The following CEBPZOS variants were observed in gnomAD, a reference collection of about 807,000 sequenced individuals.
The protein encoded by CEBPZOS is CEBPZ opposite strand, also known as protein CEBPZOS.
CEBPZOS carries 10 observed loss-of-function variants against 4.8 expected under a neutral mutation model. That is an observed-to-expected ratio of 2.07 (90% CI 1.28 to 3.52). The LOEUF (loss-of-function observed/expected upper bound fraction) is 3.52, where lower values mean the gene tolerates loss of function less well. Ranked by LOEUF, CEBPZOS falls within the 30% of genes most tolerant of loss-of-function variation. The probability of loss-of-function intolerance (pLI) is 0.00; values close to 1 mark genes in which losing one functional copy is unlikely to be tolerated. For synonymous variants in CEBPZOS, 25 were observed against 14.2 expected, an observed-to-expected ratio of 1.77 and a Z score of -1.72; for missense variants, 98 against 43.6, an observed-to-expected ratio of 2.25 and a Z score of -3.51.
chr2:37,200,309 G>A (rs1677155884), intron 2 of CEBPZOS, among the ~76,000 whole-genome samples: 1 of 152,142 alleles, frequency 6.6e-6, no homozygotes. Context: ...TTATATTAGA[G>A]CTCTCAACTT....
Position 37,203,307 on chromosome 2 carries a change from G to A in CEBPZOS, c.*1447G>A. The A allele has an allele frequency of 5.1e-6, 1 of 196,040 alleles. No individual in the cohort carries two copies. Among genetic ancestry groups the A allele is most frequent in the Admixed American group, 6.0e-5 (1 of 16,730 alleles). The allele number at this position is 196,040 out of a possible 1,614,324, so 12.1% of individuals were successfully genotyped here. A position where few individuals can be genotyped will look rare whatever the true frequency, so the allele number is the denominator to read the frequency against. On this transcript the variant is annotated 3_prime_UTR_variant, in exon 5 of 5. Transcript: ENST00000402297. ...GGAAATAACATAGTATCAAGCAATAGTAAAATTATCAGTTTGACATGGATG... is the reference window on the plus strand; with the variant it reads ...GGAAATAACATAGTATCAAGCAATAATAAAATTATCAGTTTGACATGGATG...
intron 4 of CEBPZOS, chr2:37,210,475 C>G (rs1677685145): frequency 6.6e-6 from 1 of 152,252 alleles, no homozygotes; most frequent in African/African-American, 2.4e-5. Flanking sequence ...TTCGCAGCAA[C>G]CTGAATACAG....
intron 2 of CEBPZOS, among the ~76,000 whole-genome samples, chr2:37,200,154 G>A (rs1351355988): frequency 6.6e-6 from 1 of 152,156 alleles, no homozygotes; most frequent in Non-Finnish European, 1.5e-5. Flanking sequence ...TCATTGTTTG[G>A]TAGACTAAGA....
intron 4 of CEBPZOS, chr2:37,210,770 AATG>A (rs576107878): frequency 1.1e-3 from 476 of 434,002 alleles, no homozygotes; most frequent in Non-Finnish European, 1.7e-3. Flanking sequence ...CAACTGAAAT[AATG>A]ATAACAAATT....
intron 1 of CEBPZOS, among the ~76,000 whole-genome samples, chr2:37,196,854 G>C (rs1031463032): frequency 9.2e-5 from 14 of 152,216 alleles, no homozygotes; most frequent in Admixed American, 7.2e-4. Flanking sequence ...CAGGAGCCGG[G>C]AGCCGGGGGA....
downstream of CEBPZOS, chr2:37,204,826 C>G (rs927429066): frequency 1.3e-5 from 2 of 152,158 alleles, no homozygotes; most frequent in African/African-American, 4.8e-5. Flanking sequence ...ATCTGAAATC[C>G]TTTCAGGCTA....
In CEBPZOS at chr2:37,204,719, CAATT is replaced by C. The variant is rs1250563652; in HGVS notation, c.*2863_*2866del. ...AATTAGTAAATTAATAAATCTGAAT[CAATT>C]AATAAATCTGTTTAAAATTCCTTGC... On this transcript the variant is annotated 3_prime_UTR_variant, in exon 5 of 5. Coordinates refer to ENST00000402297, the MANE Select transcript of CEBPZOS (RefSeq NM_001322374.2). 5 of 152,162 alleles carry C rather than the reference CAATT, an allele frequency of 3.3e-5. No homozygotes were observed. Among genetic ancestry groups the C allele is most frequent in the South Asian group, 2.1e-4 (1 of 4,828 alleles). The allele number at this position is 152,162 out of a possible 1,614,324, so 9.4% of individuals were successfully genotyped here. A position where few individuals can be genotyped will look rare whatever the true frequency, so the allele number is the denominator to read the frequency against.
chr2:37,203,054 AT>A lies in CEBPZOS; in HGVS notation c.*1198del. 7.7e-7 allele frequency: 1 copy of A among 1,299,116 alleles called. No homozygotes were observed. Among genetic ancestry groups the A allele is most frequent in the Non-Finnish European group, 1.1e-6 (1 of 948,994 alleles). 80.5% of individuals were successfully genotyped at this position (1,299,116 alleles called of 1,614,324 possible). A position where few individuals can be genotyped will look rare whatever the true frequency, so the allele number is the denominator to read the frequency against. On this transcript the variant is annotated 3_prime_UTR_variant, in exon 5 of 5. Coordinates refer to ENST00000402297, the MANE Select transcript of CEBPZOS (RefSeq NM_001322374.2). ...ACATTATTCAATTATAAATCTAATG[AT>A]TTTAGAAAAATGCAATGCAACATGA... is the stretch of plus-strand genomic sequence containing the variant.
At chr2:37,206,796 A>G (rs1677553739), downstream of CEBPZOS, among the ~76,000 whole-genome samples, 1 of 152,224 alleles carries the variant, frequency 6.6e-6, no homozygotes, top group Admixed American at 6.5e-5. Context: ...TAGCATGATG[A>G]ATAGAATAGT....
chr2:37,216,169 T>C (rs200454547), downstream of CEBPZOS: 3 of 1,613,150 alleles, frequency 1.9e-6, no homozygotes, highest in Non-Finnish European at 1.7e-6. Context: ...CTTAATAAAA[T>C]GTTTTCTTTT....
chr2:37,215,862 C>G (rs1677854064), downstream of CEBPZOS, among the ~76,000 whole-genome samples: 2 of 150,260 alleles, frequency 1.3e-5, no homozygotes, highest in African/African-American at 4.9e-5. Context: ...ATGGTGACAA[C>G]TGTCAAAGCT....
chr2:37,199,482 C>A (rs955978656), intron 1 of CEBPZOS, among the ~76,000 whole-genome samples: 3 of 152,140 alleles, frequency 2.0e-5, no homozygotes, highest in African/African-American at 7.2e-5. Context: ...CTTTCCTGTG[C>A]TTTATCCAAT....
chr2:37,198,699 C>T (rs968650278), intron 1 of CEBPZOS: 2 of 152,202 alleles, frequency 1.3e-5, no homozygotes, highest in African/African-American at 2.4e-5. Context: ...ATTTTCTTAG[C>T]TTATCTTTAA....
At chr2:37,200,943 A>G (rs995519955) in intron 2 of CEBPZOS, 105 bp from the exon 3 acceptor site, 1 of 655,026 alleles carries the variant, frequency 1.5e-6, no homozygotes, top group Non-Finnish European at 2.8e-6. Flanking sequence ...TCTAATCTAT[A>G]TGGTTCCCAT....
downstream of CEBPZOS, chr2:37,209,648 T>G (rs988870022): frequency 5.3e-5 from 8 of 152,170 alleles, no homozygotes; most frequent in African/African-American, 1.9e-4. Flanking sequence ...TCAAGATGGA[T>G]CGAAGACTTA....
At chr2:37,207,315 C>T (rs1480096464), downstream of CEBPZOS, among the ~76,000 whole-genome samples, 1 of 152,134 alleles carries the variant, frequency 6.6e-6, no homozygotes, top group African/African-American at 2.4e-5. Context: ...TAACAGATAC[C>T]TACGGAACAT....
intron 2 of CEBPZOS, 100 bp from the exon 3 acceptor site, chr2:37,200,948 T>TC: frequency 4.5e-6 from 3 of 665,332 alleles, no homozygotes; most frequent in Non-Finnish European, 8.2e-6. Flanking sequence ...TCTATATGGT[T>TC]CCCATCATAT....
At chr2:37,214,888 G>A (rs759963654), downstream of CEBPZOS, 2 of 1,601,026 alleles carry the variant, frequency 1.2e-6, no homozygotes. Flanking sequence ...TATAGTACCT[G>A]TGGAAAAACA....
downstream of CEBPZOS, chr2:37,213,812 T>C: frequency 9.1e-6 from 11 of 1,212,876 alleles, no homozygotes; most frequent in Non-Finnish European, 1.3e-5. Flanking sequence ...TTCCATGGTC[T>C]ATTAACACAT....
Sources: allele counts gnomAD v4.1 joint callset (sites outside exome capture counted in the v4.1 genomes callset), GRCh38; gene constraint gnomAD v4.1.1; transcripts MANE v1.5; gene names NCBI Gene and HGNC (gene_info 2026-07-23, HGNC 2026-07-21).